The following TENM2 variants were observed in gnomAD, a reference collection of about 807,000 sequenced individuals.
TENM2 encodes teneurin transmembrane protein 2.
TENM2 carries 52 observed loss-of-function variants against 245.2 expected under a neutral mutation model. The observed-to-expected ratio is 0.21, with a 90% CI of 0.17 to 0.27. The LOEUF is 0.27. TENM2 is among the 10% of genes least tolerant of loss of function. The pLI, the probability that TENM2 is intolerant of heterozygous loss-of-function variation, is 1.00. For missense variants in TENM2, 3,046 were observed against 3,666.8 expected (o/e 0.83, Z 4.37); for synonymous variants, 1,363 against 1,438.9 (o/e 0.95, Z 1.19).
chr5:168,186,506 G>A (rs966738870), intron 13 of TENM2: 1 of 152,154 alleles, frequency 6.6e-6, no homozygotes, highest in Non-Finnish European at 1.5e-5. Context: ...GTTTCACTGA[G>A]TGAAGTAAGA....
intron 2 of TENM2, among the ~76,000 whole-genome samples, chr5:167,616,560 G>A (rs1414760385): frequency 6.6e-6 from 1 of 152,002 alleles, no homozygotes; most frequent in Non-Finnish European, 1.5e-5. Context: ...TTGTAATTAT[G>A]AGCATGTATG....
exon 27 of TENM2, chr5:168,248,018 G>A (rs1157241171): frequency 6.2e-7 from 1 of 1,614,012 alleles, no homozygotes; most frequent in African/African-American, 1.3e-5. Context: ...ATGGAGAGCA[G>A]CAGTGGGGAG....
At chr5:167,329,389 C>CAAA (rs34894963) in intron 1 of TENM2, among the ~76,000 whole-genome samples, 72 of 129,664 alleles carry the variant, frequency 5.6e-4, no homozygotes, top group African/African-American at 2.0e-3. Context: ...ACTAAAAATA[C>CAAA]AAAAAAAAAA....
intron 2 of TENM2, among the ~76,000 whole-genome samples, chr5:167,605,568 G>C (rs1238683208): frequency 1.3e-5 from 2 of 152,230 alleles, no homozygotes; most frequent in African/African-American, 4.8e-5. Flanking sequence ...ATGCAAACTG[G>C]AGGAGTATGT....
intron 2 of TENM2, among the ~76,000 whole-genome samples, chr5:167,499,709 T>C (rs1324046538): frequency 2.0e-5 from 3 of 152,120 alleles, no homozygotes; most frequent in Non-Finnish European, 4.4e-5. Flanking sequence ...GACTCTCCCA[T>C]AGATATGAAA....
At chr5:167,008,590 G>A in the TENM2 span, among the ~76,000 whole-genome samples, 2 of 152,096 alleles carry the variant, frequency 1.3e-5, no homozygotes, top group African/African-American at 4.8e-5. Context: ...CATTACCTTT[G>A]TGAATTAGCA....
intron 7 of TENM2, among the ~76,000 whole-genome samples, chr5:168,065,212 C>G (rs1220218512): frequency 6.6e-6 from 1 of 152,084 alleles, no homozygotes; most frequent in African/African-American, 2.4e-5. Context: ...ATGCTCTGAC[C>G]AAGAGCCTAC....
At chr5:167,147,195 A>C in the TENM2 span, among the ~76,000 whole-genome samples, 3 of 152,230 alleles carry the variant, frequency 2.0e-5, no homozygotes, top group Non-Finnish European at 4.4e-5. Context: ...ATAGGGAAAC[A>C]TAACATATTG....
intron 1 of TENM2, among the ~76,000 whole-genome samples, chr5:167,324,267 A>T (rs998983050): frequency 6.6e-6 from 1 of 152,232 alleles, no homozygotes; most frequent in Admixed American, 6.5e-5. Context: ...GAGATGCAGT[A>T]GCATGCACTC....
intron 1 of TENM2, among the ~76,000 whole-genome samples, chr5:167,326,733 CA>C (rs1424605072): frequency 6.1e-5 from 9 of 147,430 alleles, no homozygotes; most frequent in African/African-American, 2.0e-4. Context: ...AAAATAAAGT[CA>C]AGCCTCCTAA....
intron 1 of TENM2, chr5:167,287,240 C>G (rs1754334952): frequency 6.6e-6 from 1 of 152,152 alleles, no homozygotes; most frequent in Admixed American, 6.5e-5. Context: ...ATCTGGCAAG[C>G]AGTACATTCA....
intron 3 of TENM2, among the ~76,000 whole-genome samples, chr5:167,877,708 T>C (rs185365718): frequency 9.2e-4 from 140 of 152,340 alleles, no homozygotes; most frequent in Admixed American, 3.9e-3. Context: ...TTTCTTCAAA[T>C]ATGATGTTAA....
chr5:167,250,104 C>T, the TENM2 span, among the ~76,000 whole-genome samples: 5 of 152,016 alleles, frequency 3.3e-5, no homozygotes, highest in Admixed American at 2.0e-4. Context: ...GCAATATGGC[C>T]GGTCCAAATG....
At chr5:168,115,359 GGGAAGGAAGGAAGGAAGGAAGGAA>G (rs55973990) in intron 9 of TENM2, among the ~76,000 whole-genome samples, 1 of 71,598 alleles carries the variant, frequency 1.4e-5, no homozygotes, top group African/African-American at 6.6e-5. Context: ...AGGGAAGGAA[GGGAAGGAAGGAAGGAAGGAAGGAA>G]GGAAGGAAGG....
chr5:167,807,466 G>T (rs1583060276), intron 2 of TENM2, among the ~76,000 whole-genome samples: 1 of 152,040 alleles, frequency 6.6e-6, no homozygotes, highest in Admixed American at 6.6e-5. Context: ...GATATTTCAG[G>T]AGTAAATAAA....
intron 3 of TENM2, among the ~76,000 whole-genome samples, chr5:167,894,028 C>A (rs1014388352): frequency 6.6e-6 from 1 of 152,138 alleles, no homozygotes; most frequent in African/African-American, 2.4e-5. Flanking sequence ...TAGTCCAATG[C>A]GGCAGCATAA....
chr5:168,073,535 C>T lies in TENM2; in HGVS notation c.1515+11270C>T, dbSNP rs141647760. Among the ~76,000 whole-genome samples the T allele has an allele frequency of 3.5e-3, 526 of 152,312 alleles. 1 individual carries two copies. Among genetic ancestry groups the T allele is most frequent in the African/African-American group, 0.012 (501 of 41,576 alleles). Reference sequence around the variant, plus strand: ...ATACCTTTTCCTTTTAGAACACGCTCCGACAGAGCAAGAGTGACCTAGGGG... The same window carrying T: ...ATACCTTTTCCTTTTAGAACACGCTTCGACAGAGCAAGAGTGACCTAGGGG... On this transcript the variant is annotated intron_variant, in intron 7 of 28. Coordinates refer to ENST00000518659, the Ensembl canonical transcript of TENM2.
At chr5:168,255,892 A>C (rs1033311991) in intron 27 of TENM2, among the ~76,000 whole-genome samples, 2 of 151,696 alleles carry the variant, frequency 1.3e-5, no homozygotes, top group African/African-American at 4.8e-5. Flanking sequence ...TGCAACCTCC[A>C]CCTCCCAGGT....
the TENM2 span, among the ~76,000 whole-genome samples, chr5:167,180,539 T>C: frequency 1.3e-5 from 2 of 152,036 alleles, no homozygotes; most frequent in Non-Finnish European, 2.9e-5. Context: ...AATACAGGGG[T>C]TAGTGTCACC....
Sources: gnomAD v4.1 joint callset for allele counts (sites outside exome capture counted in the v4.1 genomes callset) on GRCh38, gnomAD v4.1.1 for gene constraint, MANE v1.5 for transcripts, NCBI Gene and HGNC (gene_info 2026-07-23, HGNC 2026-07-21) for gene names.